VRK2: variants seen among roughly 807,000 people sequenced by gnomAD.
VRK2 encodes VRK serine/threonine kinase 2, also known as serine/threonine-protein kinase VRK2.
VRK2 carries 60 observed loss-of-function variants against 57.6 expected under a neutral mutation model. That is an observed-to-expected ratio of 1.04 (90% confidence interval 0.85 to 1.29). The LOEUF (loss-of-function observed/expected upper bound fraction) is 1.29. VRK2 is among the 50% of genes most tolerant of loss of function. The pLI is 0.00. For synonymous variants in VRK2, 231 were observed against 199.2 expected, an observed-to-expected ratio of 1.16 and a Z score of -1.35; for missense variants, 705 against 588.1, an observed-to-expected ratio of 1.20 and a Z score of -2.06.
rs768835989 is a variant in VRK2 at position 58,139,792 on chromosome 2, A to G, written c.983A>G (p.Lys328Arg). 91 of 1,612,994 alleles carry G rather than the reference A, an allele frequency of 5.6e-5. No individual in the cohort carries two copies. Among genetic ancestry groups the G allele is most frequent in the Non-Finnish European group, 6.8e-6 (8 of 1,179,350 alleles). ...IPLGPLDFST[K>R]GQSINVHTPN... is the part of the protein sequence containing the mutation. ...TTAGGACCACTGGACTTTTCCACAA[A>G]AGGACAGAGTATAAATGTCCATACT... Residue 328 changes from lysine to arginine, a missense_variant, in exon 11 of 13, where the codon AAA becomes AGA. Lys to Arg is a conservative substitution (Grantham distance 26, BLOSUM62 2). Transcript: ENST00000340157.
intron 1 of VRK2, among the ~76,000 whole-genome samples, chr2:57,909,284 T>C (rs1238148537): frequency 6.6e-6 from 1 of 152,220 alleles, no homozygotes; most frequent in East Asian, 1.9e-4. Context: ...AAGCATTTTA[T>C]TAGTTACAAA....
At chr2:57,996,865 T>C (rs1296585778) in intron 1 of VRK2, among the ~76,000 whole-genome samples, 3 of 152,090 alleles carry the variant, frequency 2.0e-5, no homozygotes, top group Non-Finnish European at 2.9e-5. Context: ...GTAAATGCTA[T>C]ATAAATAGTT....
intron 2 of VRK2, among the ~76,000 whole-genome samples, chr2:58,058,092 T>G (rs1163858220): frequency 6.6e-6 from 1 of 152,122 alleles, no homozygotes; most frequent in Non-Finnish European, 1.5e-5. Context: ...TGCTACCACT[T>G]GTTTGACTAG....
At chr2:58,104,599 T>C (rs1254823233) in intron 7 of VRK2, among the ~76,000 whole-genome samples, 3 of 151,824 alleles carry the variant, frequency 2.0e-5, no homozygotes, top group African/African-American at 7.2e-5. Context: ...TCCATGCTTA[T>C]AGATCAGAAG....
chr2:58,073,083 G>T (rs1669583259), intron 2 of VRK2, among the ~76,000 whole-genome samples: 1 of 151,976 alleles, frequency 6.6e-6, no homozygotes. Flanking sequence ...GGATCCATGT[G>T]TTATTTAGAC....
intron 1 of VRK2, among the ~76,000 whole-genome samples, chr2:57,951,558 A>C (rs1242936061): frequency 1.3e-5 from 2 of 152,176 alleles, no homozygotes; most frequent in African/African-American, 4.8e-5. Flanking sequence ...GACACAGAGA[A>C]ATCTTTAATG....
chr2:58,007,783 T>A (rs996361337), intron 1 of VRK2, among the ~76,000 whole-genome samples: 1 of 152,104 alleles, frequency 6.6e-6, no homozygotes, highest in African/African-American at 2.4e-5. Flanking sequence ...TGTATGCCTA[T>A]ATTAAGAGAA....
At chr2:58,000,568 C>G (rs1673060156) in intron 1 of VRK2, among the ~76,000 whole-genome samples, 1 of 152,076 alleles carries the variant, frequency 6.6e-6, no homozygotes. Context: ...TAGGATTTCA[C>G]TATTTATTTA....
At chr2:57,930,992 T>C (rs1010370594) in intron 1 of VRK2, among the ~76,000 whole-genome samples, 1 of 152,104 alleles carries the variant, frequency 6.6e-6, no homozygotes, top group African/African-American at 2.4e-5. Flanking sequence ...TATATATTCA[T>C]ACATATTATA....
chr2:58,103,461 A>G (rs907076061), intron 7 of VRK2, among the ~76,000 whole-genome samples: 3 of 151,634 alleles, frequency 2.0e-5, no homozygotes, highest in Non-Finnish European at 4.4e-5. Context: ...GACTTCTGTG[A>G]ACAACTATAT....
At chr2:58,136,565 A>G (rs1209543115) in intron 10 of VRK2, among the ~76,000 whole-genome samples, 3 of 151,360 alleles carry the variant, frequency 2.0e-5, no homozygotes, top group Admixed American at 6.6e-5. Flanking sequence ...TTGTATTTTT[A>G]GTAGAGACAG....
intron 7 of VRK2, among the ~76,000 whole-genome samples, chr2:58,106,339 A>G (rs1215614585): frequency 6.6e-6 from 1 of 152,062 alleles, no homozygotes; most frequent in Non-Finnish European, 1.5e-5. Context: ...CTGTTAAGTC[A>G]CAGTCCTATT....
At chr2:57,971,788 T>C (rs1672106106) in intron 1 of VRK2, among the ~76,000 whole-genome samples, 1 of 151,812 alleles carries the variant, frequency 6.6e-6, no homozygotes, top group African/African-American at 2.4e-5. Flanking sequence ...GAAGGCAATT[T>C]AATAAAATAA....
At chr2:57,957,235 C>T (rs1024559613) in intron 1 of VRK2, among the ~76,000 whole-genome samples, 1 of 152,062 alleles carries the variant, frequency 6.6e-6, no homozygotes, top group Non-Finnish European at 1.5e-5. Flanking sequence ...TTTTTACTAC[C>T]TCTTTCAAAT....
rs185293356 is a variant in VRK2 at position 57,937,912 on chromosome 2, A to G, written c.-439+30073A>G. 9.0e-4 allele frequency among the ~76,000 whole-genome samples: 127 copies of G among 140,812 alleles called. 1 individual carries two copies. The South Asian group carries it at 0.013, about 14-fold the overall frequency. The allele number at this position is 140,812 out of a possible 152,430, so 92.4% of individuals were successfully genotyped here. ...AATGGCATGATCTCGGCTCACTGCAACCTCCACCTCCTGGGTTCAAGCGAT... is the reference window on the plus strand; with the variant it reads ...AATGGCATGATCTCGGCTCACTGCAGCCTCCACCTCCTGGGTTCAAGCGAT... On this transcript the variant is annotated intron_variant, in intron 1 of 15. Coordinates refer to the VRK2 transcript ENST00000417641.
At chr2:58,091,250 T>C (rs1427087846) in intron 7 of VRK2, among the ~76,000 whole-genome samples, 1 of 152,120 alleles carries the variant, frequency 6.6e-6, no homozygotes, top group African/African-American at 2.4e-5. Context: ...TCATTCACTA[T>C]AAAAAATGTG....
At chr2:58,109,679 C>A (rs1044225944) in intron 7 of VRK2, among the ~76,000 whole-genome samples, 1 of 152,116 alleles carries the variant, frequency 6.6e-6, no homozygotes, top group Non-Finnish European at 1.5e-5. Flanking sequence ...GGGAACCGCC[C>A]CCATGATCTA....
upstream of VRK2, among the ~76,000 whole-genome samples, chr2:58,045,873 C>T (rs1166793536): frequency 6.6e-6 from 1 of 152,064 alleles, no homozygotes; most frequent in East Asian, 1.9e-4. Flanking sequence ...GACTGAGTTT[C>T]CCTCTTGCTG....
At chr2:57,974,550 GA>G (rs1324415395) in intron 1 of VRK2, among the ~76,000 whole-genome samples, 3 of 151,582 alleles carry the variant, frequency 2.0e-5, no homozygotes, top group Non-Finnish European at 4.4e-5. Context: ...ATAAAAATAG[GA>G]AAAAAATTCT....
Sources: allele counts gnomAD v4.1 joint callset (sites outside exome capture counted in the v4.1 genomes callset), GRCh38; gene constraint gnomAD v4.1.1; transcripts MANE v1.5; gene names NCBI Gene and HGNC (gene_info 2026-07-23, HGNC 2026-07-21).